The following EFCAB7 variants were observed in gnomAD, a reference collection of about 807,000 sequenced individuals.
EFCAB7 encodes the protein EF-hand calcium binding domain 7, also known as EF-hand calcium-binding domain-containing protein 7.
A neutral mutation model predicts 77.1 loss-of-function variants in EFCAB7; 66 were observed. The observed-to-expected ratio is 0.86, with a 90% confidence interval of 0.70 to 1.05. The LOEUF is 1.05. Ranked by LOEUF, EFCAB7 falls within the 50% of genes least tolerant of loss-of-function variation. EFCAB7 has a pLI of 0.00. For missense variants in EFCAB7, 638 were observed against 730.5 expected (o/e 0.87, Z 1.46); for synonymous variants, 225 against 243.3 (o/e 0.92, Z 0.70).
At chr1:63,573,622 G>C (rs1457930419), downstream of EFCAB7, among the ~76,000 whole-genome samples, 1 of 152,176 alleles carries the variant, frequency 6.6e-6, no homozygotes, top group Non-Finnish European at 1.5e-5. Context: ...GCATTTATGA[G>C]TAGAGAACGG....
the EFCAB7 span, among the ~76,000 whole-genome samples, chr1:63,579,682 A>C: frequency 6.6e-6 from 1 of 152,204 alleles, no homozygotes; most frequent in African/African-American, 2.4e-5. Flanking sequence ...GGAGAATTCC[A>C]GTTATTCTGC....
intron 2 of EFCAB7, among the ~76,000 whole-genome samples, chr1:63,527,445 G>T (rs931316026): frequency 7.7e-6 from 1 of 129,104 alleles, no homozygotes; most frequent in Non-Finnish European, 1.7e-5. Context: ...CCACTTATGT[G>T]CATTTCCATT....
chr1:63,573,994 G>A (rs1162097099), downstream of EFCAB7, among the ~76,000 whole-genome samples: 1 of 152,164 alleles, frequency 6.6e-6, no homozygotes, highest in African/African-American at 2.4e-5. Flanking sequence ...AAGGAATTAT[G>A]TCTGACAGAA....
intron 6 of EFCAB7, among the ~76,000 whole-genome samples, chr1:63,542,128 C>T (rs1321502678): frequency 1.3e-5 from 2 of 152,114 alleles, no homozygotes; most frequent in Non-Finnish European, 2.9e-5. Flanking sequence ...CCCTGGCAAC[C>T]ACCATTCTAC....
At chr1:63,580,298 C>T in the EFCAB7 span, among the ~76,000 whole-genome samples, 1 of 152,020 alleles carries the variant, frequency 6.6e-6, no homozygotes, top group Non-Finnish European at 1.5e-5. Context: ...TCAGTTATTC[C>T]AATATCATCG....
intron 2 of EFCAB7, among the ~76,000 whole-genome samples, chr1:63,530,834 A>G (rs1646682189): frequency 6.6e-6 from 1 of 152,340 alleles, no homozygotes; most frequent in East Asian, 1.9e-4. Flanking sequence ...TGGTATTCTT[A>G]AATGAATGAT....
At chr1:63,559,823 T>C (rs1647073909) in intron 10 of EFCAB7, among the ~76,000 whole-genome samples, 1 of 152,218 alleles carries the variant, frequency 6.6e-6, no homozygotes, top group Non-Finnish European at 1.5e-5. Flanking sequence ...TTGTCAAATA[T>C]CAGTTGAATA....
intron 6 of EFCAB7, among the ~76,000 whole-genome samples, chr1:63,542,324 T>G (rs1646838580): frequency 6.6e-6 from 1 of 152,220 alleles, no homozygotes; most frequent in African/African-American, 2.4e-5. Context: ...CTTGTATGTA[T>G]TTACCATGTT....
rs181047666 is a variant in EFCAB7, at chr1:63,546,614, C to T, written c.946+557C>T. Among the ~76,000 whole-genome samples the T allele has an allele frequency of 7.9e-3, 1,203 of 152,238 alleles. 13 individuals carry two copies. The highest frequency in any genetic ancestry group is 0.026 in the African/African-American group (1,079 of 41,544). On this transcript the variant is annotated intron_variant, in intron 7 of 13. Coordinates refer to ENST00000371088, the MANE Select transcript of EFCAB7 (RefSeq NM_032437.4). ...AACTCCTGACCTCAGGTGATCCACC[C>T]GCTTCGGCCTCTCAAAGGGCTGGGA...
At chr1:63,525,018 G>T (rs932278928) in intron 1 of EFCAB7, among the ~76,000 whole-genome samples, 1 of 152,176 alleles carries the variant, frequency 6.6e-6, no homozygotes, top group South Asian at 2.1e-4. Flanking sequence ...AAATGATCTT[G>T]TTGATCCTGC....
chr1:63,543,700 T>C (rs1191693831), intron 6 of EFCAB7, among the ~76,000 whole-genome samples: 4 of 152,194 alleles, frequency 2.6e-5, no homozygotes, highest in African/African-American at 4.8e-5. Flanking sequence ...AATCTTTCTA[T>C]AATGAATTAG....
chr1:63,540,250 G>C (rs1646811906), intron 6 of EFCAB7, among the ~76,000 whole-genome samples: 1 of 151,474 alleles, frequency 6.6e-6, no homozygotes, highest in Non-Finnish European at 1.5e-5. Flanking sequence ...TGTAATCCCA[G>C]CTACTCGGGA....
chr1:63,579,026 G>A, the EFCAB7 span, among the ~76,000 whole-genome samples: 21 of 151,762 alleles, frequency 1.4e-4, no homozygotes, highest in African/African-American at 5.1e-4. Flanking sequence ...TTTTCCTGTG[G>A]GGTTTTTATT....
At chr1:63,574,806 A>G (rs566406703), downstream of EFCAB7, among the ~76,000 whole-genome samples, 2 of 152,336 alleles carry the variant, frequency 1.3e-5, no homozygotes, top group East Asian at 3.9e-4. Context: ...GCATATTTAC[A>G]GTCAGTATAA....
chr1:63,584,680 G>A, the EFCAB7 span, among the ~76,000 whole-genome samples: 1 of 152,202 alleles, frequency 6.6e-6, no homozygotes, highest in Admixed American at 6.5e-5. Flanking sequence ...TGGAGATAAT[G>A]AGGATGAAGA....
chr1:63,559,889 A>G (rs1386288368), intron 10 of EFCAB7, among the ~76,000 whole-genome samples: 1 of 152,036 alleles, frequency 6.6e-6, no homozygotes, highest in Non-Finnish European at 1.5e-5. Flanking sequence ...TCTATTCATC[A>G]TTATTTCACC....
the EFCAB7 span, among the ~76,000 whole-genome samples, chr1:63,578,446 ATT>A: frequency 3.5e-5 from 5 of 141,944 alleles, no homozygotes; most frequent in Admixed American, 7.0e-5. Context: ...TCTAACATAC[ATT>A]TTTTTTTTTT....
chr1:63,535,734 A>T (rs754959069), intron 6 of EFCAB7, among the ~76,000 whole-genome samples: 1 of 131,166 alleles, frequency 7.6e-6, no homozygotes, highest in East Asian at 2.6e-4. Context: ...AATAGTGTTA[A>T]TAATGTTAAT....
In EFCAB7 at chr1:63,532,008, G is replaced by T; in HGVS notation, c.376G>T (p.Asp126Tyr). The T allele has an allele frequency of 6.2e-7, 1 of 1,609,590 alleles. No individual in the cohort carries two copies. The highest frequency in any genetic ancestry group is 1.1e-5 in the South Asian group (1 of 90,258). The change falls in exon 3 of 14, where the codon GAC becomes TAC. Residue 126 changes from aspartate (D) to tyrosine (Y), a missense_variant. Physicochemically the swap from Asp to Tyr is radical, Grantham distance 160. Coordinates refer to ENST00000371088, the MANE Select transcript of EFCAB7 (RefSeq NM_032437.4). ...VNDDGCILHT[D>Y]LYKFLTKRGE... The stretch of plus-strand genomic sequence containing the variant: ...TGATGATGGCTGTATTTTACACACT[G>T]ACCTTTATAAATTTCTAACAAAGGT...
Sources: allele counts gnomAD v4.1 joint callset (sites outside exome capture counted in the v4.1 genomes callset), GRCh38; gene constraint gnomAD v4.1.1; transcripts MANE v1.5; gene names NCBI Gene and HGNC (gene_info 2026-07-23, HGNC 2026-07-21).